The following RPSA2 variants were observed in gnomAD, a reference collection of about 807,000 sequenced individuals.
RPSA2 encodes small ribosomal subunit protein uS2B.
chr19:23,863,025 AT>A, the RPSA2 span, among the ~76,000 whole-genome samples: 3 of 152,016 alleles, frequency 2.0e-5, no homozygotes, highest in African/African-American at 4.8e-5. Context: ...TGTGTAAAAA[AT>A]AATTAGGATC....
the RPSA2 span, among the ~76,000 whole-genome samples, chr19:23,766,504 GGCA>G: frequency 6.7e-6 from 1 of 149,226 alleles, no homozygotes; most frequent in Non-Finnish European, 1.5e-5. Context: ...CAGGCTGGAG[GGCA>G]GTGGCGCGAT....
At chr19:23,850,679 C>G in the RPSA2 span, among the ~76,000 whole-genome samples, 1 of 151,710 alleles carries the variant, frequency 6.6e-6, no homozygotes, top group Admixed American at 6.6e-5. Context: ...GTTATAATCG[C>G]TCCAGGTTCC....
chr19:23,762,779 T>C, the RPSA2 span, among the ~76,000 whole-genome samples: 1 of 152,224 alleles, frequency 6.6e-6, no homozygotes, highest in Non-Finnish European at 1.5e-5. Flanking sequence ...GCATTTCATG[T>C]CTCAGCTTAC....
At chr19:23,782,996 AG>A in the RPSA2 span, among the ~76,000 whole-genome samples, 1 of 152,084 alleles carries the variant, frequency 6.6e-6, no homozygotes, top group Non-Finnish European at 1.5e-5. Context: ...GGTGTGCTTA[AG>A]GGGAAATTGT....
chr19:23,852,469 T>C, the RPSA2 span, among the ~76,000 whole-genome samples: 1 of 152,172 alleles, frequency 6.6e-6, no homozygotes, highest in Non-Finnish European at 1.5e-5. Flanking sequence ...AAACCAGTCA[T>C]TAACATTGTT....
chr19:23,852,772 G>A, the RPSA2 span, among the ~76,000 whole-genome samples: 1 of 152,156 alleles, frequency 6.6e-6, no homozygotes, highest in South Asian at 2.1e-4. Flanking sequence ...GATTTTGGGG[G>A]GCTTGCTCCC....
At chr19:23,827,129 A>G in the RPSA2 span, 23 of 767,324 alleles carry the variant, frequency 3.0e-5, no homozygotes, top group Middle Eastern at 1.4e-3. Flanking sequence ...GTTGTTCTGG[A>G]TTCCCGTCGT....
At chr19:23,843,668 T>C in the RPSA2 span, among the ~76,000 whole-genome samples, 1 of 152,318 alleles carries the variant, frequency 6.6e-6, no homozygotes, top group South Asian at 2.1e-4. Context: ...GTGAGAGCAG[T>C]GGTGATATTA....
the RPSA2 span, among the ~76,000 whole-genome samples, chr19:23,854,139 C>T: frequency 6.6e-6 from 1 of 152,116 alleles, no homozygotes; most frequent in Non-Finnish European, 1.5e-5. Context: ...GGAATGGAAA[C>T]AGGAACCTTG....
At chr19:23,831,107 C>CT in the RPSA2 span, among the ~76,000 whole-genome samples, 639 of 148,152 alleles carry the variant, frequency 4.3e-3, 4 homozygotes, top group African/African-American at 0.014. Context: ...TGCTCTACCA[C>CT]TTTTTTTTTT....
chr19:23,758,869 G>C, the RPSA2 span: 4 of 1,414,966 alleles, frequency 2.8e-6, no homozygotes, highest in Non-Finnish European at 3.9e-6. Flanking sequence ...ACGAGACCCG[G>C]AGCTCGGGCT....
the RPSA2 span, among the ~76,000 whole-genome samples, chr19:23,828,323 CTT>C: frequency 3.5e-4 from 44 of 124,252 alleles, no homozygotes; most frequent in East Asian, 9.8e-4. Context: ...TTCTTTCTTT[CTT>C]TTTTTTTTTT....
At chr19:23,777,237 C>T in the RPSA2 span, among the ~76,000 whole-genome samples, 90 of 152,314 alleles carry the variant, frequency 5.9e-4, no homozygotes, top group Non-Finnish European at 1.1e-3. Context: ...TATTGCTTGG[C>T]CAGGATCCTA....
the RPSA2 span, chr19:23,827,959 C>T: frequency 2.2e-6 from 2 of 910,968 alleles, no homozygotes; most frequent in Non-Finnish European, 1.7e-6. Context: ...CTACTGAAGA[C>T]TGGAGCGCTC....
the RPSA2 span, among the ~76,000 whole-genome samples, chr19:23,840,685 C>T: frequency 4.6e-3 from 706 of 152,148 alleles, 1 homozygote; most frequent in African/African-American, 7.7e-3. Flanking sequence ...GCGCTGGGCA[C>T]GGTGGCTGAC....
chr19:23,828,254 T>A, the RPSA2 span, among the ~76,000 whole-genome samples: 1 of 151,038 alleles, frequency 6.6e-6, no homozygotes, highest in Non-Finnish European at 1.5e-5. Context: ...TCATATCAAA[T>A]TGTTTAATTT....
At chr19:23,868,723 G>A in the RPSA2 span, among the ~76,000 whole-genome samples, 1 of 152,202 alleles carries the variant, frequency 6.6e-6, no homozygotes, top group Non-Finnish European at 1.5e-5. Context: ...ATTTACTGCT[G>A]TGGGGACAAG....
At chr19:23,839,982 C>A in the RPSA2 span, among the ~76,000 whole-genome samples, 1 of 152,210 alleles carries the variant, frequency 6.6e-6, no homozygotes, top group Non-Finnish European at 1.5e-5. Flanking sequence ...TCAGGTCCTG[C>A]AGGAGCAGTC....
chr19:23,828,687 G>A, the RPSA2 span, among the ~76,000 whole-genome samples: 1 of 150,090 alleles, frequency 6.7e-6, no homozygotes, highest in South Asian at 2.1e-4. Context: ...TCTTTCAAGG[G>A]AAATGTTGTA....
Sources: gnomAD v4.1 joint callset for allele counts (sites outside exome capture counted in the v4.1 genomes callset) on GRCh38, gnomAD v4.1.1 for gene constraint, MANE v1.5 for transcripts, NCBI Gene and HGNC (gene_info 2026-07-23, HGNC 2026-07-21) for gene names.